Variants in NPAS3 observed in about 807,000 individuals in gnomAD.
NPAS3 encodes the protein neuronal PAS domain-containing protein 3.
In NPAS3, 14 loss-of-function variants were observed where a neutral mutation model predicts 73.1. The observed-to-expected ratio is 0.19, with a 90% CI of 0.13 to 0.30. NPAS3 has a LOEUF of 0.30. Among genes scored for constraint, NPAS3 ranks in the 10% least tolerant of loss-of-function variants. The pLI is 1.00. For missense variants in NPAS3, 1,096 were observed against 1,250.0 expected (o/e 0.88, Z 1.86); for synonymous variants, 620 against 541.5 (o/e 1.14, Z -2.01).
At chr14:32,999,412 GA>G (rs1291540255) in intron 1 of NPAS3, among the ~76,000 whole-genome samples, 1 of 152,004 alleles carries the variant, frequency 6.6e-6, no homozygotes, top group Non-Finnish European at 1.5e-5. Context: ...TCGGGAGGCT[GA>G]GGCAGGAGAA....
intron 2 of NPAS3, among the ~76,000 whole-genome samples, chr14:33,136,522 T>A (rs1383759579): frequency 6.6e-6 from 1 of 152,148 alleles, no homozygotes; most frequent in Non-Finnish European, 1.5e-5. Context: ...TAACTCAGTT[T>A]TAATGAGATA....
chr14:33,487,491 G>A (rs1473021678), intron 4 of NPAS3, among the ~76,000 whole-genome samples: 2 of 152,150 alleles, frequency 1.3e-5, no homozygotes, highest in South Asian at 2.1e-4. Context: ...TTAGAAATGA[G>A]ATTTACAATA....
At chr14:33,595,474 T>C (rs1369873231) in intron 5 of NPAS3, among the ~76,000 whole-genome samples, 1 of 152,208 alleles carries the variant, frequency 6.6e-6, no homozygotes, top group Non-Finnish European at 1.5e-5. Context: ...TTGTTTTGAA[T>C]GCTGAAATAA....
intron 5 of NPAS3, among the ~76,000 whole-genome samples, chr14:33,584,145 A>G (rs1362547543): frequency 6.6e-6 from 1 of 152,206 alleles, no homozygotes; most frequent in African/African-American, 2.4e-5. Context: ...CTACTTCAAA[A>G]TGTGTATAGT....
chr14:33,071,048 G>T lies in NPAS3; in HGVS notation c.140+15054G>T, dbSNP rs1294068861. Among the ~76,000 whole-genome samples the T allele has an allele frequency of 1.1e-4, 16 of 152,158 alleles. No individual in the cohort carries two copies. In the East Asian group the frequency reaches 3.1e-3, roughly 29 times the overall value. On this transcript the variant is annotated intron_variant, in intron 2 of 11. Coordinates refer to ENST00000356141, the Ensembl canonical transcript of NPAS3. ...ATTTTAGCCTCTATCAGTTTTCCTAGGTTTGTTCTACGCTACCTATGGGTA... is the reference window on the plus strand; with the variant it reads ...ATTTTAGCCTCTATCAGTTTTCCTATGTTTGTTCTACGCTACCTATGGGTA...
intron 3 of NPAS3, among the ~76,000 whole-genome samples, chr14:33,262,570 G>T (rs2049013324): frequency 6.6e-6 from 1 of 151,978 alleles, no homozygotes; most frequent in Admixed American, 6.6e-5. Context: ...GTAAAACATT[G>T]CCTGTTCTCA....
intron 3 of NPAS3, among the ~76,000 whole-genome samples, chr14:33,265,196 A>G (rs555464488): frequency 3.3e-5 from 5 of 152,236 alleles, no homozygotes; most frequent in Non-Finnish European, 7.3e-5. Context: ...AAAGGTAGCA[A>G]TAAGGACAAT....
At chr14:32,940,064 A>G (rs2035924075) in intron 1 of NPAS3, among the ~76,000 whole-genome samples, 1 of 152,198 alleles carries the variant, frequency 6.6e-6, no homozygotes, top group African/African-American at 2.4e-5. Flanking sequence ...ACCCCTCCCA[A>G]AGGAAAAAGA....
chr14:33,712,332 T>A (rs1170464842), intron 6 of NPAS3, among the ~76,000 whole-genome samples: 1 of 152,174 alleles, frequency 6.6e-6, no homozygotes, highest in African/African-American at 2.4e-5. Context: ...ATCTGTATTC[T>A]ATAATAACAC....
intron 3 of NPAS3, among the ~76,000 whole-genome samples, chr14:33,292,215 C>A (rs1406762170): frequency 6.6e-6 from 1 of 152,168 alleles, no homozygotes; most frequent in Non-Finnish European, 1.5e-5. Flanking sequence ...AAAACACAGG[C>A]TACCCGTTGC....
chr14:33,368,034 T>C lies in NPAS3; in HGVS notation c.468+766T>C, dbSNP rs530612010. Among the ~76,000 whole-genome samples the C allele has an allele frequency of 9.2e-5, 14 of 152,276 alleles. No individual in the cohort carries two copies. In the South Asian group the frequency reaches 2.9e-3, roughly 32 times the overall value. On this transcript the variant is annotated intron_variant, in intron 4 of 11. Transcript: ENST00000356141. ...GGATAAATGTTGCCATGGCCACTTT[T>C]TTTAATCTGTGGAAGATACACCTTT...
At chr14:33,203,394 A>G (rs910989606) in intron 2 of NPAS3, among the ~76,000 whole-genome samples, 11 of 152,096 alleles carry the variant, frequency 7.2e-5, no homozygotes, top group African/African-American at 2.4e-4. Context: ...CCAGTTAGTT[A>G]TGTATGTATA....
At chr14:33,493,203 G>C (rs1004142826) in intron 4 of NPAS3, among the ~76,000 whole-genome samples, 4 of 151,944 alleles carry the variant, frequency 2.6e-5, no homozygotes, top group African/African-American at 9.7e-5. Flanking sequence ...GGTTTTTATG[G>C]TATTTTGTGC....
intron 5 of NPAS3, among the ~76,000 whole-genome samples, chr14:33,647,133 T>C (rs2140212948): frequency 6.6e-6 from 1 of 152,308 alleles, no homozygotes; most frequent in African/African-American, 2.4e-5. Flanking sequence ...CTGTGTGATA[T>C]GAATGACCAC....
intron 3 of NPAS3, among the ~76,000 whole-genome samples, chr14:33,273,179 C>G (rs1370137137): frequency 6.6e-6 from 1 of 152,250 alleles, no homozygotes; most frequent in African/African-American, 2.4e-5. Flanking sequence ...CCCCTGACTC[C>G]CCCGCTCTTC....
At chr14:33,386,436 G>A (rs2046779105) in intron 4 of NPAS3, among the ~76,000 whole-genome samples, 1 of 151,922 alleles carries the variant, frequency 6.6e-6, no homozygotes. Context: ...TCTCCAGCAA[G>A]TATCTGAAAC....
Position 33,019,635 on chromosome 14 carries a change from T to A in NPAS3, c.51-36270T>A, listed in dbSNP as rs1466414735. On this transcript the variant is annotated intron_variant, in intron 1 of 11. Coordinates refer to ENST00000356141, the Ensembl canonical transcript of NPAS3. ...GATTTGCTGTGTGCATCATTGGAAC[T>A]AGGTAACTTGCATTATGACTCTGAT... is the stretch of plus-strand genomic sequence containing the variant. 2.0e-5 allele frequency among the ~76,000 whole-genome samples: 3 copies of A among 152,246 alleles called. No homozygotes were observed. The South Asian group carries it at 6.2e-4, about 32-fold the overall frequency.
chr14:33,023,835 G>A (rs529553435), intron 1 of NPAS3, among the ~76,000 whole-genome samples: 7 of 151,984 alleles, frequency 4.6e-5, no homozygotes, highest in Non-Finnish European at 5.9e-5. Context: ...TCCATCATCC[G>A]TAGCCTGGCC....
chr14:33,371,680 C>T (rs986098623), intron 4 of NPAS3, among the ~76,000 whole-genome samples: 2 of 152,000 alleles, frequency 1.3e-5, no homozygotes, highest in African/African-American at 4.8e-5. Flanking sequence ...ATGCATATAT[C>T]AACGTGTCTA....
Sources: allele counts gnomAD v4.1 joint callset (sites outside exome capture counted in the v4.1 genomes callset), GRCh38; gene constraint gnomAD v4.1.1; transcripts MANE v1.5; gene names NCBI Gene and HGNC (gene_info 2026-07-23, HGNC 2026-07-21).